ZNF385B: variants seen among roughly 807,000 people sequenced by gnomAD.
ZNF385B encodes zinc finger protein 533.
A neutral mutation model predicts 39.2 loss-of-function variants in ZNF385B; 23 were observed. That is an observed-to-expected ratio of 0.59 (90% CI 0.42 to 0.83). The LOEUF is 0.83. Among genes scored for constraint, ZNF385B ranks in the 40% least tolerant of loss-of-function variants. The pLI is 0.00. For missense variants in ZNF385B, 552 were observed against 598.9 expected (o/e 0.92, Z 0.82); for synonymous variants, 205 against 222.6 (o/e 0.92, Z 0.70).
intron 3 of ZNF385B, among the ~76,000 whole-genome samples, chr2:179,562,835 T>C (rs572353021): frequency 2.6e-5 from 4 of 152,208 alleles, no homozygotes; most frequent in Non-Finnish European, 5.9e-5. Context: ...CACAACAGTT[T>C]GGAATTTTCA....
intron 1 of ZNF385B, among the ~76,000 whole-genome samples, chr2:179,859,451 C>T (rs1016588055): frequency 6.6e-6 from 1 of 152,006 alleles, no homozygotes; most frequent in Non-Finnish European, 1.5e-5. Flanking sequence ...GCAAACAAAG[C>T]ACATAAGAAA....
intron 3 of ZNF385B, chr2:179,583,938 A>G (rs1334018778): frequency 1.5e-6 from 2 of 1,304,142 alleles, no homozygotes; most frequent in Non-Finnish European, 2.0e-6. Flanking sequence ...CAAACCATCC[A>G]TCAACATACC....
chr2:179,450,562 A>C (rs1299438966), intron 6 of ZNF385B, among the ~76,000 whole-genome samples: 28 of 152,158 alleles, frequency 1.8e-4, no homozygotes, highest in Non-Finnish European at 3.4e-4. Flanking sequence ...ACCATCTCAC[A>C]CCAGTTAGAA....
At chr2:179,860,528 G>C (rs760866155) in intron 1 of ZNF385B, among the ~76,000 whole-genome samples, 2 of 151,940 alleles carry the variant, frequency 1.3e-5, no homozygotes, top group African/African-American at 4.8e-5. Context: ...CTTAGTGGCC[G>C]AGGCCGCCCG....
chr2:179,599,021 AT>A (rs1688212238), intron 3 of ZNF385B, among the ~76,000 whole-genome samples: 2 of 152,248 alleles, frequency 1.3e-5, no homozygotes, highest in African/African-American at 4.8e-5. Context: ...ATTGTGAAGA[AT>A]TCTAAAATAT....
At chr2:179,579,076 C>A (rs1228087601) in intron 3 of ZNF385B, among the ~76,000 whole-genome samples, 1 of 152,022 alleles carries the variant, frequency 6.6e-6, no homozygotes, top group Non-Finnish European at 1.5e-5. Context: ...TAGGAGAGCA[C>A]CTTCCAGTCA....
chr2:179,784,353 G>A (rs1160991972), intron 1 of ZNF385B, among the ~76,000 whole-genome samples: 1 of 151,954 alleles, frequency 6.6e-6, no homozygotes, highest in East Asian at 1.9e-4. Flanking sequence ...CAGCAGAAAA[G>A]CTAACTATTA....
At chr2:179,668,051 A>T (rs1559060892) in intron 3 of ZNF385B, among the ~76,000 whole-genome samples, 1 of 152,342 alleles carries the variant, frequency 6.6e-6, no homozygotes, top group East Asian at 1.9e-4. Context: ...AAAGAGCAAA[A>T]GTTAATCACA....
intron 1 of ZNF385B, among the ~76,000 whole-genome samples, chr2:179,779,415 T>C (rs749598820): frequency 2.0e-4 from 30 of 152,354 alleles, no homozygotes; most frequent in Non-Finnish European, 3.4e-4. Context: ...TGGTTGGTCA[T>C]GCAGGCCTTT....
At chr2:179,647,013 G>A (rs1014742930) in intron 3 of ZNF385B, among the ~76,000 whole-genome samples, 5 of 152,144 alleles carry the variant, frequency 3.3e-5, no homozygotes, top group African/African-American at 1.2e-4. Context: ...TAGACAGACA[G>A]AAACAGACTG....
At chr2:179,474,447 C>G (rs1297051789) in intron 6 of ZNF385B, among the ~76,000 whole-genome samples, 1 of 152,074 alleles carries the variant, frequency 6.6e-6, no homozygotes, top group Non-Finnish European at 1.5e-5. Context: ...ATGGCAAAAA[C>G]CATGATTACT....
rs544346559 is a variant in ZNF385B, at chr2:179,529,438, T to C, written c.442-10800A>G. On this transcript the variant is annotated intron_variant, in intron 4 of 9. Coordinates refer to ENST00000410066, the MANE Select transcript of ZNF385B (RefSeq NM_152520.6). ...GGGTTTTCATTTTATCTTCAAGATT[T>C]GATGTTCCTAATTTTTGGTCAAAGT... 1.5e-4 allele frequency among the ~76,000 whole-genome samples: 23 copies of C among 152,346 alleles called. No individual in the cohort carries two copies. The East Asian group carries it at 4.2e-3, about 28-fold the overall frequency.
chr2:179,835,820 C>G (rs899961728), intron 1 of ZNF385B, among the ~76,000 whole-genome samples: 2 of 152,066 alleles, frequency 1.3e-5, no homozygotes, highest in African/African-American at 4.8e-5. Flanking sequence ...ACCAATTCTA[C>G]TCTAGCCCCT....
intron 1 of ZNF385B, among the ~76,000 whole-genome samples, chr2:179,801,059 T>A (rs1210485859): frequency 6.6e-6 from 1 of 152,120 alleles, no homozygotes; most frequent in African/African-American, 2.4e-5. Flanking sequence ...CCATTTGGTA[T>A]CCCTTCCTTT....
intron 3 of ZNF385B, among the ~76,000 whole-genome samples, chr2:179,648,431 T>C (rs59743027): frequency 0.13 from 20,312 of 152,102 alleles, 1,451 homozygotes; most frequent in East Asian, 0.22. Context: ...TGTAAAGTCA[T>C]GGTTTTCAAC....
intron 3 of ZNF385B, among the ~76,000 whole-genome samples, chr2:179,552,481 A>C (rs1433651937): frequency 6.7e-6 from 1 of 149,474 alleles, no homozygotes; most frequent in Non-Finnish European, 1.5e-5. Context: ...TAGGGGAGGC[A>C]ACATCAATTA....
intron 1 of ZNF385B, among the ~76,000 whole-genome samples, chr2:179,852,828 C>A (rs1478670399): frequency 6.6e-6 from 1 of 152,198 alleles, no homozygotes; most frequent in African/African-American, 2.4e-5. Flanking sequence ...GAATCTGTAT[C>A]TTTAGCCAGT....
intron 1 of ZNF385B, among the ~76,000 whole-genome samples, chr2:179,781,786 T>C (rs1349966145): frequency 6.6e-6 from 1 of 152,126 alleles, no homozygotes; most frequent in Admixed American, 6.6e-5. Context: ...AGATATTGAT[T>C]CCATGAACAA....
intron 3 of ZNF385B, among the ~76,000 whole-genome samples, chr2:179,598,432 A>C (rs1198283287): frequency 6.6e-6 from 1 of 152,066 alleles, no homozygotes; most frequent in African/African-American, 2.4e-5. Context: ...TCCTTGTTCT[A>C]TATCCTCCTC....
Sources: gnomAD v4.1 joint callset for allele counts (sites outside exome capture counted in the v4.1 genomes callset) on GRCh38, gnomAD v4.1.1 for gene constraint, MANE v1.5 for transcripts, NCBI Gene and HGNC (gene_info 2026-07-23, HGNC 2026-07-21) for gene names.